HPSE2: variants seen among roughly 807,000 people sequenced by gnomAD.
HPSE2 encodes heparanase 2 (inactive).
HPSE2 carries 38 observed loss-of-function variants against 60.5 expected under a neutral mutation model. That is an observed-to-expected ratio of 0.63 (90% CI 0.48 to 0.82). HPSE2 has a LOEUF of 0.82. Among genes scored for constraint, HPSE2 ranks in the 40% least tolerant of loss-of-function variants. The pLI is 0.00. For synonymous variants in HPSE2, 295 were observed against 293.2 expected (o/e 1.01, Z -0.06); for missense variants, 713 against 740.4 (o/e 0.96, Z 0.43).
rs758095963 is a variant in HPSE2, at chr10:98,743,958, T to C, written c.709A>G (p.Asn237Asp). The C allele has an allele frequency of 6.2e-7, 1 of 1,613,988 alleles. No homozygotes were observed. The highest frequency in any genetic ancestry group is 1.3e-5 in the African/African-American group (1 of 74,910). Residue 237 changes from asparagine to aspartate, a missense_variant, in exon 4 of 12, where the codon AAC becomes GAC. Coordinates refer to ENST00000370552, the MANE Select transcript of HPSE2 (RefSeq NM_021828.5). ...ALRRNPNNSW[N>D]SSSALSLLKY... Reference sequence around the variant, plus strand: ...AACAGACTCAGGGCACTAGAACTGTTCCAGGAGTTATTGGGATTACGACGC... The same window carrying C: ...AACAGACTCAGGGCACTAGAACTGTCCCAGGAGTTATTGGGATTACGACGC...
intron 9 of HPSE2, among the ~76,000 whole-genome samples, chr10:98,503,362 C>CAGTA (rs1296456690): frequency 6.6e-6 from 1 of 151,978 alleles, no homozygotes; most frequent in Non-Finnish European, 1.5e-5. Context: ...AATCAAAAAA[C>CAGTA]AGTAGTTGTT....
At chr10:98,874,270 G>A (rs2134847025) in intron 3 of HPSE2, among the ~76,000 whole-genome samples, 2 of 151,608 alleles carry the variant, frequency 1.3e-5, no homozygotes, top group East Asian at 3.9e-4. Context: ...TTTTCATCAT[G>A]AAGTCTTTGC....
chr10:99,002,633 C>G (rs991211170), intron 3 of HPSE2, among the ~76,000 whole-genome samples: 5 of 151,820 alleles, frequency 3.3e-5, no homozygotes, highest in African/African-American at 9.7e-5. Flanking sequence ...TCAAGAGGAG[C>G]CTAAAGAGAC....
At chr10:98,609,145 C>T (rs1446153296) in intron 9 of HPSE2, among the ~76,000 whole-genome samples, 1 of 152,152 alleles carries the variant, frequency 6.6e-6, no homozygotes, top group Non-Finnish European at 1.5e-5. Context: ...ATTGTTTCCT[C>T]CAGAAAGCCT....
chr10:98,481,984 G>A (rs1371371588), intron 11 of HPSE2, among the ~76,000 whole-genome samples: 1 of 152,152 alleles, frequency 6.6e-6, no homozygotes, highest in Non-Finnish European at 1.5e-5. Flanking sequence ...GGGAGGCAGG[G>A]AGTGTCACAG....
intron 3 of HPSE2, among the ~76,000 whole-genome samples, chr10:98,972,475 A>G (rs1450030096): frequency 3.3e-5 from 5 of 152,078 alleles, no homozygotes; most frequent in Non-Finnish European, 5.9e-5. Flanking sequence ...TAGTTCACAG[A>G]GATATTCACT....
chr10:98,645,113 A>G (rs1946733742), intron 6 of HPSE2, among the ~76,000 whole-genome samples: 1 of 152,214 alleles, frequency 6.6e-6, no homozygotes, highest in Non-Finnish European at 1.5e-5. Flanking sequence ...GACCATCAAC[A>G]TATAAGAGAG....
Position 98,796,442 on chromosome 10 carries a change from T to C in HPSE2, c.611-52386A>G, listed in dbSNP as rs551355509. Among the ~76,000 whole-genome samples, 105 of 152,274 alleles carry C rather than the reference T, an allele frequency of 6.9e-4. 1 individual carries two copies. The South Asian group carries it at 0.017, about 24-fold the overall frequency. ...CCACACAGAAAGGCTCCTCTGCCTGTGAAAAGCGGAGAGAAGAGTGGGAAG... is the reference window on the plus strand; with the variant it reads ...CCACACAGAAAGGCTCCTCTGCCTGCGAAAAGCGGAGAGAAGAGTGGGAAG... On this transcript the variant is annotated intron_variant, in intron 3 of 11. Transcript: ENST00000370552.
At chr10:98,498,959 A>G (rs1941940081) in intron 9 of HPSE2, among the ~76,000 whole-genome samples, 1 of 152,212 alleles carries the variant, frequency 6.6e-6, no homozygotes, top group African/African-American at 2.4e-5. Context: ...CAAAGAAAAA[A>G]TAATAAGAAA....
At chr10:99,003,323 A>G (rs1176554842) in intron 3 of HPSE2, among the ~76,000 whole-genome samples, 2 of 152,122 alleles carry the variant, frequency 1.3e-5, no homozygotes, top group African/African-American at 2.4e-5. Flanking sequence ...TTCAGTGCAG[A>G]TATGTCTTCA....
Position 98,609,673 on chromosome 10 carries a change from G to C in HPSE2, c.1320+5231C>G, listed in dbSNP as rs573296824. Among the ~76,000 whole-genome samples the C allele has an allele frequency of 4.6e-5, 7 of 152,222 alleles. No homozygotes were observed. In the South Asian group the frequency reaches 1.2e-3, roughly 27 times the overall value. On this transcript the variant is annotated intron_variant, in intron 9 of 11. Coordinates refer to ENST00000370552, the MANE Select transcript of HPSE2 (RefSeq NM_021828.5). Reference sequence around the variant, plus strand: ...ATTGTAACAGTAACTTCTGGAGGTAGAGGTGGCATTTTTATTCCAATTTAA... The same window carrying C: ...ATTGTAACAGTAACTTCTGGAGGTACAGGTGGCATTTTTATTCCAATTTAA...
At chr10:98,656,582 C>T (rs528415982) in intron 6 of HPSE2, among the ~76,000 whole-genome samples, 1 of 152,070 alleles carries the variant, frequency 6.6e-6, no homozygotes, top group South Asian at 2.1e-4. Flanking sequence ...TTTATGAGGA[C>T]CCACCATAAG....
chr10:98,740,577 A>G (rs558185512), intron 4 of HPSE2, among the ~76,000 whole-genome samples: 1 of 152,208 alleles, frequency 6.6e-6, no homozygotes, highest in Admixed American at 6.5e-5. Context: ...CACACTATTC[A>G]CTGCTTTCAA....
chr10:98,989,105 A>G (rs912837370), intron 3 of HPSE2, among the ~76,000 whole-genome samples: 23 of 152,168 alleles, frequency 1.5e-4, no homozygotes, highest in African/African-American at 4.8e-4. Flanking sequence ...TCAGGGATCT[A>G]GAACTAGAAA....
rs577710037 is a variant in HPSE2, at chr10:99,090,514, AAATTT to A, written c.610+53719_610+53723del. On this transcript the variant is annotated intron_variant, in intron 3 of 11. Transcript: ENST00000370552. ...TCCTTGTGAAAATATAAATATAAAT[AAATTT>A]AAGAATCAATAAGTGCTAAATAAAA... is the stretch of plus-strand genomic sequence containing the variant. Among the ~76,000 whole-genome samples the A allele has an allele frequency of 8.7e-4, 133 of 152,270 alleles. 1 individual carries two copies. Among genetic ancestry groups the A allele is most frequent in the African/African-American group, 3.0e-3 (126 of 41,578 alleles).
At chr10:98,942,919 A>C (rs71486184) in intron 3 of HPSE2, among the ~76,000 whole-genome samples, 3,081 of 151,944 alleles carry the variant, frequency 0.02, 48 homozygotes, top group Non-Finnish European at 0.032. Flanking sequence ...TGATGAGTTC[A>C]TGTCCTTTGT....
At chr10:99,210,834 G>A (rs886904059) in intron 2 of HPSE2, among the ~76,000 whole-genome samples, 15 of 152,096 alleles carry the variant, frequency 9.9e-5, no homozygotes, top group South Asian at 2.1e-4. Context: ...GTGAAAAGTC[G>A]AAAGCTCTTC....
intron 3 of HPSE2, among the ~76,000 whole-genome samples, chr10:99,112,621 T>C (rs1844515803): frequency 6.6e-6 from 1 of 152,110 alleles, no homozygotes; most frequent in South Asian, 2.1e-4. Flanking sequence ...GATAAAGTTA[T>C]TTTTCCCTGC....
chr10:99,019,802 C>T (rs920292332), intron 3 of HPSE2, among the ~76,000 whole-genome samples: 1 of 151,806 alleles, frequency 6.6e-6, no homozygotes, highest in Non-Finnish European at 1.5e-5. Context: ...CTCTGCCCCC[C>T]AGATTCAAGC....
Sources: gnomAD v4.1 joint callset for allele counts (sites outside exome capture counted in the v4.1 genomes callset) on GRCh38, gnomAD v4.1.1 for gene constraint, MANE v1.5 for transcripts, NCBI Gene and HGNC (gene_info 2026-07-23, HGNC 2026-07-21) for gene names.